Variants in CDH2 observed in about 807,000 individuals in gnomAD.
CDH2 encodes the protein cadherin 2.
CDH2 carries 17 observed loss-of-function variants against 92.0 expected under a neutral mutation model. The ratio of observed to expected loss-of-function variants is 0.18; its 90% CI spans 0.13 to 0.28. The LOEUF is 0.28. Ranked by LOEUF, CDH2 falls within the 10% of genes least tolerant of loss-of-function variation. CDH2 has a pLI of 1.00. For synonymous variants in CDH2, 419 were observed against 415.9 expected (o/e 1.01, Z -0.09); for missense variants, 862 against 1,133.1 (o/e 0.76, Z 3.44).
chr18:28,005,779 G>T, intron 6 of CDH2, 70 bp downstream of exon 6: 1 of 996,046 alleles, frequency 1.0e-6, no homozygotes, highest in Non-Finnish European at 1.4e-6. Flanking sequence ...TCCATTTCTT[G>T]CTCATATAAC....
At chr18:28,150,936 T>C (rs17536647) in intron 1 of CDH2, among the ~76,000 whole-genome samples, 163 of 152,306 alleles carry the variant, frequency 1.1e-3, no homozygotes, top group African/African-American at 3.6e-3. Context: ...AGTCAAAAAA[T>C]AGCAAAGTTA....
intron 1 of CDH2, among the ~76,000 whole-genome samples, chr18:28,152,956 C>A (rs528940121): frequency 2.0e-3 from 309 of 152,218 alleles, no homozygotes; most frequent in African/African-American, 7.0e-3. Flanking sequence ...GGAAATGATG[C>A]CTTCCCTCAT....
At chr18:28,032,649 T>C (rs1025479227) in intron 2 of CDH2, among the ~76,000 whole-genome samples, 9 of 152,124 alleles carry the variant, frequency 5.9e-5, no homozygotes, top group Admixed American at 4.6e-4. Flanking sequence ...TCAAATCCTT[T>C]AAGTACTTTT....
At chr18:28,085,277 G>A (rs946863458) in intron 2 of CDH2, among the ~76,000 whole-genome samples, 1 of 151,816 alleles carries the variant, frequency 6.6e-6, no homozygotes, top group Non-Finnish European at 1.5e-5. Context: ...CTCTTTCTCC[G>A]TCTCTTTTCT....
chr18:28,017,402 A>G (rs2013279711), intron 2 of CDH2, among the ~76,000 whole-genome samples: 1 of 152,126 alleles, frequency 6.6e-6, no homozygotes, highest in South Asian at 2.1e-4. Flanking sequence ...AAGCATGTAA[A>G]GGTGTTCATA....
At chr18:28,141,212 T>G (rs2015947529) in intron 2 of CDH2, among the ~76,000 whole-genome samples, 1 of 151,822 alleles carries the variant, frequency 6.6e-6, no homozygotes, top group Non-Finnish European at 1.5e-5. Context: ...CAGAAAAGTA[T>G]ACAGATATAT....
At chr18:28,031,863 G>A (rs530066337) in intron 2 of CDH2, among the ~76,000 whole-genome samples, 2 of 152,076 alleles carry the variant, frequency 1.3e-5, no homozygotes, top group Admixed American at 1.3e-4. Context: ...TGTTCAATGG[G>A]TGATCAGAGC....
intron 2 of CDH2, among the ~76,000 whole-genome samples, chr18:28,060,708 G>T (rs568894578): frequency 2.0e-5 from 3 of 152,196 alleles, no homozygotes; most frequent in East Asian, 1.9e-4. Flanking sequence ...AGACCATTTG[G>T]TAAGACTAGT....
intron 2 of CDH2, among the ~76,000 whole-genome samples, chr18:28,126,167 C>T (rs1328205989): frequency 6.6e-6 from 1 of 152,062 alleles, no homozygotes; most frequent in Non-Finnish European, 1.5e-5. Flanking sequence ...AGACTGCTAT[C>T]ATTATGAGAA....
chr18:28,043,465 T>TATATATATATATATATATATATATATAA (rs2013993511), intron 2 of CDH2, among the ~76,000 whole-genome samples: 4 of 53,018 alleles, frequency 7.5e-5, no homozygotes, highest in Non-Finnish European at 1.7e-4. Flanking sequence ...TAAATAAATA[T>TATATATATATATATATATATATATATAA]ATATATATAT....
chr18:28,172,359 T>C (rs746211298), intron 1 of CDH2, among the ~76,000 whole-genome samples: 12 of 152,164 alleles, frequency 7.9e-5, no homozygotes, highest in Admixed American at 2.0e-4. Context: ...GCAGAAGATA[T>C]AGCTCTTACT....
chr18:27,953,122 C>CA (rs944851116), intron 15 of CDH2, among the ~76,000 whole-genome samples: 1 of 151,894 alleles, frequency 6.6e-6, no homozygotes. Context: ...TTCTAACTTC[C>CA]AAAAAATCCT....
At chr18:28,063,280 T>G (rs1466683517) in intron 2 of CDH2, among the ~76,000 whole-genome samples, 1 of 152,200 alleles carries the variant, frequency 6.6e-6, no homozygotes, top group Non-Finnish European at 1.5e-5. Context: ...ACATTACTAC[T>G]GGAACATATT....
chr18:28,104,691 C>CGT (rs2015291743), intron 2 of CDH2, among the ~76,000 whole-genome samples: 2 of 94,856 alleles, frequency 2.1e-5, no homozygotes, highest in Non-Finnish European at 3.9e-5. Context: ...GATGCAAATA[C>CGT]ATATCTATCT....
At chr18:27,997,973 A>AT (rs1192085504) in intron 7 of CDH2, among the ~76,000 whole-genome samples, 6 of 152,018 alleles carry the variant, frequency 3.9e-5, no homozygotes, top group South Asian at 2.1e-4. Context: ...CGCCTGGCTA[A>AT]TTTTTTGTAT....
chr18:28,115,251 C>A (rs2015477689), intron 2 of CDH2, among the ~76,000 whole-genome samples: 1 of 152,158 alleles, frequency 6.6e-6, no homozygotes, highest in Admixed American at 6.6e-5. Context: ...GATTCCTCTG[C>A]CCACAGGGGA....
intron 2 of CDH2, among the ~76,000 whole-genome samples, chr18:28,064,052 A>G (rs1385868242): frequency 6.6e-6 from 1 of 151,768 alleles, no homozygotes; most frequent in Non-Finnish European, 1.5e-5. Flanking sequence ...AAGTTAAAAT[A>G]TATGCTGTCC....
At chr18:28,092,548 A>G (rs1051376715) in intron 2 of CDH2, among the ~76,000 whole-genome samples, 23 of 151,450 alleles carry the variant, frequency 1.5e-4, no homozygotes, top group African/African-American at 4.6e-4. Flanking sequence ...AGAAGAGAGA[A>G]AAAAAAAACA....
In CDH2 at chr18:28,005,797, G is replaced by T. The variant is rs541522883; in HGVS notation, c.847+52C>A. The T allele has an allele frequency of 2.0e-5, 28 of 1,411,680 alleles. 1 individual carries two copies. In the South Asian group the frequency reaches 3.2e-4, roughly 16 times the overall value. 87.4% of individuals were successfully genotyped at this position (1,411,680 alleles called of 1,614,324 possible). ...ATTTCTTGCTCATATAACAGGGCTG[G>T]TTACACCATACTTTCCTCAAGTCAT... On this transcript the variant is annotated intron_variant, in intron 6 of 15. Transcript: ENST00000269141.
Sources: gnomAD v4.1 joint callset for allele counts (sites outside exome capture counted in the v4.1 genomes callset) on GRCh38, gnomAD v4.1.1 for gene constraint, MANE v1.5 for transcripts, NCBI Gene and HGNC (gene_info 2026-07-23, HGNC 2026-07-21) for gene names.